The following ACAD11 variants were observed in gnomAD, a reference collection of about 807,000 sequenced individuals.
ACAD11 encodes acyl-CoA dehydrogenase family member 11, also known as acyl-Coenzyme A dehydrogenase family, member 11.
In ACAD11, 83 loss-of-function variants were observed where a neutral mutation model predicts 102.2. The ratio of observed to expected loss-of-function variants is 0.81; its 90% CI spans 0.68 to 0.97. ACAD11 has a LOEUF of 0.97. Among genes scored for constraint, ACAD11 ranks in the 50% least tolerant of loss-of-function variants. The probability of loss-of-function intolerance (pLI) is 0.00; values close to 1 mark genes in which losing one functional copy is unlikely to be tolerated. For missense variants in ACAD11, 901 were observed against 951.7 expected, an observed-to-expected ratio of 0.95 and a Z score of 0.70; for synonymous variants, 324 against 319.8, an observed-to-expected ratio of 1.01 and a Z score of -0.14.
intron 13 of ACAD11, among the ~76,000 whole-genome samples, chr3:132,582,541 A>G (rs887993704): frequency 1.3e-5 from 2 of 152,010 alleles, no homozygotes; most frequent in African/African-American, 4.8e-5. Flanking sequence ...GTGAACTACA[A>G]TGTTTTATTT....
At chr3:132,641,950 G>T in intron 4 of ACAD11, 22 bp downstream of exon 4, 1 of 1,558,244 alleles carries the variant, frequency 6.4e-7, no homozygotes, top group Non-Finnish European at 8.7e-7. Context: ...GAAAAAAATA[G>T]CTATTAATGT....
At chr3:132,569,330 A>C (rs564786520) in intron 17 of ACAD11, among the ~76,000 whole-genome samples, 1 of 152,268 alleles carries the variant, frequency 6.6e-6, no homozygotes, top group South Asian at 2.1e-4. Flanking sequence ...AGTAGTGACA[A>C]CACCATATGC....
At chr3:132,569,592 G>C (rs1402137012) in intron 17 of ACAD11, among the ~76,000 whole-genome samples, 1 of 152,114 alleles carries the variant, frequency 6.6e-6, no homozygotes, top group Non-Finnish European at 1.5e-5. Context: ...GGTAAAAACA[G>C]TTAAACAAAC....
At position 132,626,733 on chromosome 3, in the gene ACAD11, C is replaced by T; in HGVS notation, c.1155G>A (p.Lys385=). 6.2e-7 allele frequency: 1 copy of T among 1,613,774 alleles called. No homozygotes were observed. The highest frequency in any genetic ancestry group is 8.5e-7 in the Non-Finnish European group (1 of 1,179,944). The stretch of plus-strand genomic sequence containing the variant: ...TGTGTTGTTTCATGAAATGCTTCAC[C>T]TTAATAAGAACTTCCTGACCTTTCC... ...QTRKGQEVLI[K]VKHFMKQHIL... is the part of the protein sequence containing the mutation. The change falls in exon 9 of 20, where the codon AAG becomes AAA. Residue 385 remains lysine, a synonymous_variant. Transcript: ENST00000264990.
chr3:132,651,645 C>T (rs555059001), intron 1 of ACAD11, among the ~76,000 whole-genome samples: 1 of 152,332 alleles, frequency 6.6e-6, no homozygotes, highest in South Asian at 2.1e-4. Context: ...CTGCCATTCA[C>T]CTCATATCCC....
chr3:132,610,840 G>A (rs1334078936), intron 11 of ACAD11, among the ~76,000 whole-genome samples: 1 of 151,922 alleles, frequency 6.6e-6, no homozygotes, highest in East Asian at 1.9e-4. Context: ...TCCTATTCAT[G>A]GAAAAAGAGG....
chr3:132,582,380 T>A (rs1282391545), intron 13 of ACAD11, among the ~76,000 whole-genome samples: 5 of 151,618 alleles, frequency 3.3e-5, no homozygotes, highest in Non-Finnish European at 7.4e-5. Context: ...GATGTTTGGA[T>A]GTGGAGACAT....
At chr3:132,620,248 G>A (rs1006235228) in intron 9 of ACAD11, 1 of 152,188 alleles carries the variant, frequency 6.6e-6, no homozygotes, top group African/African-American at 2.4e-5. Context: ...GGCTGGAATA[G>A]ACAAAATAAA....
At chr3:132,600,926 A>C in intron 13 of ACAD11, 2 of 1,611,608 alleles carry the variant, frequency 1.2e-6, no homozygotes. Context: ...GGTTTTTTAT[A>C]CAGTAAATGA....
rs771128116 is a variant in ACAD11, at chr3:132,603,214, A to C, written c.1621+15T>G. 1 of 1,606,666 alleles carries C rather than the reference A, an allele frequency of 6.2e-7. No individual in the cohort carries two copies. Among genetic ancestry groups the C allele is most frequent in the South Asian group, 1.1e-5 (1 of 90,872 alleles). On this transcript the variant is annotated intron_variant, in intron 13 of 19. Transcript: ENST00000264990. ...GATCAGTGTGTTAGGTGAAAAAATTAGGCTGAACACTCACCACTGCTCCAC... is the reference window on the plus strand; with the variant it reads ...GATCAGTGTGTTAGGTGAAAAAATTCGGCTGAACACTCACCACTGCTCCAC...
chr3:132,640,165 G>A (rs1233724899), intron 4 of ACAD11, among the ~76,000 whole-genome samples: 1 of 151,452 alleles, frequency 6.6e-6, no homozygotes, highest in African/African-American at 2.4e-5. Context: ...CCAGGCTGGA[G>A]TGCTACCTCC....
At position 132,575,964 on chromosome 3, in the gene ACAD11, T is replaced by C. The variant is rs370699473; in HGVS notation, c.1847-38A>G. On this transcript the variant is annotated intron_variant, in intron 16 of 19. Coordinates refer to ENST00000264990, the MANE Select transcript of ACAD11 (RefSeq NM_032169.5). Reference sequence around the variant, plus strand: ...GGGAAAAAAAGGGGGAATGTGAAAATGGCCTAGCCCATTCCTTTTGTTATT... The same window carrying C: ...GGGAAAAAAAGGGGGAATGTGAAAACGGCCTAGCCCATTCCTTTTGTTATT... The C allele has an allele frequency of 5.7e-5, 91 of 1,610,378 alleles. No individual in the cohort carries two copies. In the African/African-American group the frequency reaches 9.9e-4, roughly 17 times the overall value.
intron 11 of ACAD11, among the ~76,000 whole-genome samples, chr3:132,613,064 A>G (rs1171513579): frequency 6.6e-6 from 1 of 152,052 alleles, no homozygotes; most frequent in Non-Finnish European, 1.5e-5. Context: ...TAATGAGTTC[A>G]TGTCCTTTGT....
chr3:132,592,573 G>A (rs1938123586), intron 13 of ACAD11, among the ~76,000 whole-genome samples: 1 of 151,972 alleles, frequency 6.6e-6, no homozygotes. Flanking sequence ...GATGATAGGT[G>A]GATAAAAAAA....
At chr3:132,564,569 G>A (rs1460008882) in intron 17 of ACAD11, among the ~76,000 whole-genome samples, 1 of 152,114 alleles carries the variant, frequency 6.6e-6, no homozygotes, top group Non-Finnish European at 1.5e-5. Flanking sequence ...ATACTAGAGC[G>A]TGTGGGTCCC....
At chr3:132,603,133 A>G (rs2107825101) in intron 13 of ACAD11, 96 bp downstream of exon 13, 2 of 1,081,854 alleles carry the variant, frequency 1.8e-6, no homozygotes, top group Non-Finnish European at 2.8e-6. Flanking sequence ...AATTATGATC[A>G]TGAAACTGAT....
intron 4 of ACAD11, among the ~76,000 whole-genome samples, chr3:132,639,866 A>C (rs6778812): frequency 0.066 from 10,013 of 152,114 alleles, 1,110 homozygotes; most frequent in African/African-American, 0.23. Context: ...TTACTTACCT[A>C]GTTTTTTATC....
intron 13 of ACAD11, among the ~76,000 whole-genome samples, chr3:132,581,883 C>T (rs1461370884): frequency 6.6e-6 from 1 of 151,930 alleles, no homozygotes; most frequent in East Asian, 1.9e-4. Flanking sequence ...AAGATAAGTG[C>T]TATGTATTGG....
At chr3:132,645,041 C>A (rs570336375) in intron 1 of ACAD11, 145 bp from the exon 2 acceptor site, 9 of 549,012 alleles carry the variant, frequency 1.6e-5, no homozygotes, top group African/African-American at 5.7e-5. Flanking sequence ...CAGCAGCTCA[C>A]AACATGAATT....
Sources: allele counts gnomAD v4.1 joint callset (sites outside exome capture counted in the v4.1 genomes callset), GRCh38; gene constraint gnomAD v4.1.1; transcripts MANE v1.5; gene names NCBI Gene and HGNC (gene_info 2026-07-23, HGNC 2026-07-21).